The following GRID2 variants were observed in gnomAD, a reference collection of about 807,000 sequenced individuals.
GRID2 encodes the protein glutamate receptor ionotropic, delta-2.
In GRID2, 33 loss-of-function variants were observed where a neutral mutation model predicts 114.8. The observed-to-expected ratio is 0.29, with a 90% CI of 0.22 to 0.38. The LOEUF is 0.38. Ranked by LOEUF, GRID2 falls within the 10% of genes least tolerant of loss-of-function variation. GRID2 has a pLI of 1.00. For synonymous variants in GRID2, 505 were observed against 449.9 expected (o/e 1.12, Z -1.55); for missense variants, 1,184 against 1,257.7 (o/e 0.94, Z 0.89).
intron 1 of GRID2, among the ~76,000 whole-genome samples, chr4:92,426,572 T>G (rs78948085): frequency 0.043 from 6,534 of 152,170 alleles, 155 homozygotes; most frequent in South Asian, 0.081. Context: ...CAGAAGATAC[T>G]GCTTAAGTGA....
intron 1 of GRID2, among the ~76,000 whole-genome samples, chr4:92,387,610 A>G (rs976776648): frequency 6.6e-6 from 1 of 151,996 alleles, no homozygotes; most frequent in Non-Finnish European, 1.5e-5. Context: ...AACATGAGTA[A>G]GAATGTACTT....
intron 8 of GRID2, among the ~76,000 whole-genome samples, chr4:93,363,657 A>G (rs1011186602): frequency 5.3e-5 from 8 of 151,860 alleles, no homozygotes; most frequent in African/African-American, 1.9e-4. Context: ...TTTTGTTTTT[A>G]ATTTCTCTAG....
At chr4:92,690,695 A>G (rs1734143148) in intron 2 of GRID2, among the ~76,000 whole-genome samples, 1 of 152,190 alleles carries the variant, frequency 6.6e-6, no homozygotes, top group South Asian at 2.1e-4. Context: ...AGTGATCTAT[A>G]TCCTGAAAAC....
intron 1 of GRID2, among the ~76,000 whole-genome samples, chr4:92,334,102 C>T (rs1212561168): frequency 6.6e-6 from 1 of 152,166 alleles, no homozygotes; most frequent in Non-Finnish European, 1.5e-5. Context: ...GACACAATTC[C>T]TCCACATTCT....
At chr4:92,527,226 A>T (rs1334457861) in intron 1 of GRID2, among the ~76,000 whole-genome samples, 1 of 152,104 alleles carries the variant, frequency 6.6e-6, no homozygotes, top group Non-Finnish European at 1.5e-5. Flanking sequence ...AGATTTTATA[A>T]CCTCTTACAA....
chr4:93,593,717 C>T (rs946897615), intron 13 of GRID2, among the ~76,000 whole-genome samples: 3 of 152,120 alleles, frequency 2.0e-5, no homozygotes, highest in Admixed American at 6.5e-5. Flanking sequence ...TTGGTCTTTT[C>T]ACATAGTCCC....
chr4:92,375,294 A>C (rs1729301146), intron 1 of GRID2, among the ~76,000 whole-genome samples: 1 of 152,138 alleles, frequency 6.6e-6, no homozygotes, highest in South Asian at 2.1e-4. Flanking sequence ...TTTTTGCACA[A>C]ACGTTTGTAC....
At chr4:92,572,333 G>A (rs554467764) in intron 1 of GRID2, among the ~76,000 whole-genome samples, 168 of 152,222 alleles carry the variant, frequency 1.1e-3, no homozygotes, top group African/African-American at 3.9e-3. Flanking sequence ...ACTAAACCAG[G>A]AAGAAGTTGA....
intron 13 of GRID2, among the ~76,000 whole-genome samples, chr4:93,589,675 T>C (rs971964138): frequency 2.0e-5 from 3 of 151,740 alleles, no homozygotes; most frequent in Admixed American, 1.3e-4. Context: ...ACCAACAGTG[T>C]AAAAGTGTTC....
chr4:93,606,300 AGAGG>A (rs749723810), intron 13 of GRID2, among the ~76,000 whole-genome samples: 5 of 152,046 alleles, frequency 3.3e-5, no homozygotes, highest in Non-Finnish European at 5.9e-5. Context: ...TGTAGAACTG[AGAGG>A]GGAAGGTGAA....
intron 14 of GRID2, among the ~76,000 whole-genome samples, chr4:93,725,134 T>TC (rs977563572): frequency 6.6e-6 from 1 of 151,914 alleles, no homozygotes; most frequent in Non-Finnish European, 1.5e-5. Flanking sequence ...CACTCACCCC[T>TC]CCCCCCACCA....
chr4:92,531,989 T>G (rs1252702101), intron 1 of GRID2, among the ~76,000 whole-genome samples: 1 of 152,138 alleles, frequency 6.6e-6, no homozygotes, highest in Non-Finnish European at 1.5e-5. Context: ...CAGGATTTTA[T>G]AAAAGTATAA....
At chr4:92,490,238 C>A (rs985852914) in intron 1 of GRID2, among the ~76,000 whole-genome samples, 3 of 152,044 alleles carry the variant, frequency 2.0e-5, no homozygotes, top group Non-Finnish European at 4.4e-5. Context: ...CTGTTTGTAA[C>A]CTTTATCGTA....
At chr4:92,665,855 G>C (rs1732748314) in intron 2 of GRID2, among the ~76,000 whole-genome samples, 1 of 150,966 alleles carries the variant, frequency 6.6e-6, no homozygotes, top group African/African-American at 2.4e-5. Context: ...TTATTTATTT[G>C]CCTTTGGCTT....
At chr4:92,451,598 A>C (rs2149079089) in intron 1 of GRID2, among the ~76,000 whole-genome samples, 1 of 152,278 alleles carries the variant, frequency 6.6e-6, no homozygotes, top group Admixed American at 6.5e-5. Flanking sequence ...ATAAACTCAT[A>C]ATAGAAGTAG....
intron 2 of GRID2, among the ~76,000 whole-genome samples, chr4:92,770,850 C>G (rs1055891236): frequency 6.6e-6 from 1 of 152,160 alleles, no homozygotes; most frequent in South Asian, 2.1e-4. Flanking sequence ...GGGACACAGA[C>G]AAACCATATC....
intron 2 of GRID2, among the ~76,000 whole-genome samples, chr4:92,925,681 C>T (rs1385808915): frequency 6.6e-6 from 1 of 151,912 alleles, no homozygotes; most frequent in African/African-American, 2.4e-5. Context: ...ATTAGGGAAG[C>T]AACATGTATT....
intron 1 of GRID2, among the ~76,000 whole-genome samples, chr4:92,340,349 A>G (rs1727420349): frequency 6.6e-6 from 1 of 152,138 alleles, no homozygotes; most frequent in Admixed American, 6.5e-5. Flanking sequence ...GAGTGTCCCA[A>G]AGTAAATTTG....
intron 13 of GRID2, among the ~76,000 whole-genome samples, chr4:93,564,930 T>C (rs1735264604): frequency 6.6e-6 from 1 of 152,130 alleles, no homozygotes; most frequent in African/African-American, 2.4e-5. Context: ...ACAAAAATAC[T>C]TGTCAAATAA....
Sources: gnomAD v4.1 joint callset for allele counts (sites outside exome capture counted in the v4.1 genomes callset) on GRCh38, gnomAD v4.1.1 for gene constraint, MANE v1.5 for transcripts, NCBI Gene and HGNC (gene_info 2026-07-23, HGNC 2026-07-21) for gene names.